ING5: variants seen among roughly 807,000 people sequenced by gnomAD.
ING5 encodes the protein inhibitor of growth protein 5.
In ING5, 17 loss-of-function variants were observed where a neutral mutation model predicts 37.4. The observed-to-expected ratio is 0.45, with a 90% confidence interval of 0.31 to 0.68. ING5 has a LOEUF of 0.68. ING5 is among the 30% of genes least tolerant of loss of function. The pLI is 0.05. For missense variants in ING5, 233 were observed against 311.9 expected, an observed-to-expected ratio of 0.75 and a Z score of 1.91; for synonymous variants, 123 against 116.6, an observed-to-expected ratio of 1.06 and a Z score of -0.36.
chr2:241,705,017 T>C lies in ING5; in HGVS notation c.109+293T>C, dbSNP rs564526789. Among the ~76,000 whole-genome samples the C allele has an allele frequency of 7.2e-5, 11 of 152,342 alleles. No homozygotes were observed. In the South Asian group the frequency reaches 2.3e-3, roughly 32 times the overall value. On this transcript the variant is annotated intron_variant, in intron 2 of 7. Transcript: ENST00000313552. ...TTAAATATTTTCAATTTTCAAAGTG[T>C]GTAGTGCGTGCATTGTTTTAAAAGT...
chr2:241,708,671 C>A (rs1287082657), intron 2 of ING5, among the ~76,000 whole-genome samples: 1 of 152,128 alleles, frequency 6.6e-6, no homozygotes, highest in South Asian at 2.1e-4. Flanking sequence ...GTAGTTTGCT[C>A]TTTTTGTTGC....
At chr2:241,709,682 G>A (rs1324594123) in intron 3 of ING5, among the ~76,000 whole-genome samples, 2 of 150,638 alleles carry the variant, frequency 1.3e-5, no homozygotes, top group African/African-American at 4.9e-5. Flanking sequence ...TTTCAGCTCA[G>A]TGCAACCTCC....
Position 241,725,253 on chromosome 2 carries a change from C to G in ING5, c.*222C>G. ...CGCCGCGACCTCAGTGTGGCTTTTA[C>G]AGGACTCCCCCCGAGCATCAGCAGG... On this transcript the variant is annotated 3_prime_UTR_variant, in exon 8 of 8. Coordinates refer to ENST00000313552, the MANE Select transcript of ING5 (RefSeq NM_032329.6). 5.2e-6 allele frequency: 3 copies of G among 575,648 alleles called. No individual in the cohort carries two copies. The highest frequency in any genetic ancestry group is 3.9e-5 in the South Asian group (2 of 50,762). 35.7% of individuals were successfully genotyped at this position (575,648 alleles called of 1,614,324 possible). A position where few individuals can be genotyped will look rare whatever the true frequency, so the allele number is the denominator to read the frequency against.
In ING5 at chr2:241,712,023, G is replaced by A. The variant is rs1303313398; in HGVS notation, c.434G>A (p.Arg145Lys). 4 of 1,612,784 alleles carry A rather than the reference G, an allele frequency of 2.5e-6. No homozygotes were observed. The highest frequency in any genetic ancestry group is 2.2e-5 in the East Asian group (1 of 44,888). Residue 145 changes from arginine to lysine, a missense_variant, in exon 5 of 8, where the codon AGG becomes AAG. Coordinates refer to ENST00000313552, the MANE Select transcript of ING5 (RefSeq NM_032329.6). ...KEKRGSRGRGRRTSEEDTPKK... is the reference protein window; with the variant it reads ...KEKRGSRGRGKRTSEEDTPKK... Reference sequence around the variant, plus strand: ...AAAAGAGGGTCCCGGGGCCGAGGCAGGAGGACATCAGAGGAAGACACACCA... The same window carrying A: ...AAAAGAGGGTCCCGGGGCCGAGGCAAGAGGACATCAGAGGAAGACACACCA...
chr2:241,721,236 AC>A (rs2070427191), intron 5 of ING5: 1 of 985,438 alleles, frequency 1.0e-6, no homozygotes, highest in Non-Finnish European at 1.2e-6. Context: ...GGAGGCTGAG[AC>A]GTAGACCCTT....
At chr2:241,708,469 A>C (rs920302143) in intron 2 of ING5, among the ~76,000 whole-genome samples, 1 of 152,032 alleles carries the variant, frequency 6.6e-6, no homozygotes, top group African/African-American at 2.4e-5. Flanking sequence ...GGCCTCCAAA[A>C]GTGCTGGGAT....
At chr2:241,693,245 A>G (rs1460808207) in intron 2 of ING5, among the ~76,000 whole-genome samples, 1 of 129,974 alleles carries the variant, frequency 7.7e-6, no homozygotes, top group African/African-American at 3.2e-5. Context: ...ACAGGGCGAG[A>G]CTGTCTCAAA....
chr2:241,708,312 A>G (rs529773119), intron 2 of ING5, among the ~76,000 whole-genome samples: 1 of 150,802 alleles, frequency 6.6e-6, no homozygotes, highest in African/African-American at 2.4e-5. Context: ...GGTTCACGCC[A>G]TTCTCCTGCC....
rs947791094 is a variant in ING5 at position 241,725,112 on chromosome 2, C to G, written c.*81C>G. 8.3e-6 allele frequency: 12 copies of G among 1,446,342 alleles called. No individual in the cohort carries two copies. The highest frequency in any genetic ancestry group is 5.1e-5 in the Admixed American group (3 of 58,754). 89.6% of individuals were successfully genotyped at this position (1,446,342 alleles called of 1,614,324 possible). On this transcript the variant is annotated 3_prime_UTR_variant, in exon 8 of 8. Transcript: ENST00000313552. The stretch of plus-strand genomic sequence containing the variant: ...CGCAATATTTCCCTTCCTTTTAAAA[C>G]TACCTTGTTCGGTTGATACTTAGTA...
intron 7 of ING5, 138 bp from the exon 8 acceptor site, chr2:241,724,851 G>GCCCCACTGCGTGTGCCTCTCCTGGTGC: frequency 1.3e-6 from 1 of 785,240 alleles, no homozygotes; most frequent in South Asian, 1.6e-5. Flanking sequence ...GAGGGCCGCG[G>GCCCCACTGCGTGTGCCTCTCCTGGTGC]CCCCACTGCG....
chr2:241,719,718 C>T lies in ING5; in HGVS notation c.483-3221C>T, dbSNP rs2070379201. On this transcript the variant is annotated intron_variant, in intron 5 of 7. Coordinates refer to ENST00000313552, the MANE Select transcript of ING5 (RefSeq NM_032329.6). ...CTTCCTCCCTGAGGGCTCTGCCCAG[C>T]TTCAGAGACCTCAGGAACAGCCAGC... 5 of 1,482,938 alleles carry T rather than the reference C, an allele frequency of 3.4e-6. No individual in the cohort carries two copies. The Admixed American group carries it at 1.2e-4, about 36-fold the overall frequency. 91.9% of individuals were successfully genotyped at this position (1,482,938 alleles called of 1,614,324 possible). A position where few individuals can be genotyped will look rare whatever the true frequency, so the allele number is the denominator to read the frequency against.
At chr2:241,724,002 C>T in intron 7 of ING5, 1 of 1,345,644 alleles carries the variant, frequency 7.4e-7, no homozygotes, top group Non-Finnish European at 9.8e-7. Flanking sequence ...AGAGCAAGAC[C>T]CTGTCTCAAA....
chr2:241,725,253 C>T lies in ING5; in HGVS notation c.*222C>T. On this transcript the variant is annotated 3_prime_UTR_variant, in exon 8 of 8. Transcript: ENST00000313552. ...CGCCGCGACCTCAGTGTGGCTTTTA[C>T]AGGACTCCCCCCGAGCATCAGCAGG... 1.7e-6 allele frequency: 1 copy of T among 575,648 alleles called. No individual in the cohort carries two copies. Among genetic ancestry groups the T allele is most frequent in the Non-Finnish European group, 3.1e-6 (1 of 319,694 alleles). The allele number at this position is 575,648 out of a possible 1,614,324, so 35.7% of individuals were successfully genotyped here.
At chr2:241,698,267 AC>A (rs1221744596), upstream of ING5, among the ~76,000 whole-genome samples, 1 of 151,746 alleles carries the variant, frequency 6.6e-6, no homozygotes, top group Non-Finnish European at 1.5e-5. Flanking sequence ...ACACGGTGAA[AC>A]CCCCGTCTCT....
intron 2 of ING5, among the ~76,000 whole-genome samples, chr2:241,690,873 C>G (rs941781292): frequency 2.6e-5 from 4 of 151,094 alleles, no homozygotes; most frequent in African/African-American, 7.3e-5. Context: ...GTGGTGTGAT[C>G]TCAGCTCGCT....
At position 241,725,334 on chromosome 2, in the gene ING5, C is replaced by A; in HGVS notation, c.*303C>A. 1 of 403,260 alleles carries A rather than the reference C, an allele frequency of 2.5e-6. No homozygotes were observed. The highest frequency in any genetic ancestry group is 5.4e-5 in the East Asian group (1 of 18,392). The allele number at this position is 403,260 out of a possible 1,614,324, so 25.0% of individuals were successfully genotyped here. ...AGCTCGGGCTGCCCGGCCGGGCGTG[C>A]GGGCGGGGACATGGTAACCTGGTCC... is the stretch of plus-strand genomic sequence containing the variant. On this transcript the variant is annotated 3_prime_UTR_variant, in exon 8 of 8. Transcript: ENST00000313552.
intron 1 of ING5, among the ~76,000 whole-genome samples, chr2:241,704,071 G>A (rs1376759813): frequency 6.6e-6 from 1 of 152,160 alleles, no homozygotes; most frequent in African/African-American, 2.4e-5. Flanking sequence ...CAGCCTAGAG[G>A]GTGGGGTCAG....
intron 5 of ING5, among the ~76,000 whole-genome samples, chr2:241,717,191 C>T (rs2070297775): frequency 6.6e-6 from 1 of 151,874 alleles, no homozygotes; most frequent in African/African-American, 2.4e-5. Flanking sequence ...TCTTGTGCCT[C>T]AGCCTCCTGA....
intron 5 of ING5, chr2:241,719,535 C>T: frequency 6.5e-7 from 1 of 1,535,644 alleles, no homozygotes; most frequent in Non-Finnish European, 8.7e-7. Flanking sequence ...ACCTGAAGGC[C>T]CTGTCCCGAC....
Sources: gnomAD v4.1 joint callset for allele counts (sites outside exome capture counted in the v4.1 genomes callset) on GRCh38, gnomAD v4.1.1 for gene constraint, MANE v1.5 for transcripts, NCBI Gene and HGNC (gene_info 2026-07-23, HGNC 2026-07-21) for gene names.